The following DYRK4 variants were observed in gnomAD, a reference collection of about 807,000 sequenced individuals.
DYRK4 encodes dual specificity tyrosine-phosphorylation-regulated kinase 4.
A neutral mutation model predicts 68.3 loss-of-function variants in DYRK4; 64 were observed. The observed-to-expected ratio is 0.94, with a 90% CI of 0.77 to 1.15. DYRK4 has a LOEUF of 1.15. Among genes scored for constraint, DYRK4 ranks in the 50% most tolerant of loss-of-function variants. The pLI is 0.00. For synonymous variants in DYRK4, 274 were observed against 289.9 expected, an observed-to-expected ratio of 0.95 and a Z score of 0.56; for missense variants, 740 against 764.7, an observed-to-expected ratio of 0.97 and a Z score of 0.38.
At position 4,591,108 on chromosome 12, in the gene DYRK4, C is replaced by G; in HGVS notation, c.325-52C>G. The G allele has an allele frequency of 6.3e-7, 1 of 1,594,884 alleles. No homozygotes were observed. Among genetic ancestry groups the G allele is most frequent in the Non-Finnish European group, 8.5e-7 (1 of 1,170,186 alleles). On this transcript the variant is annotated intron_variant, in intron 4 of 14. Coordinates refer to ENST00000543431, the MANE Select transcript of DYRK4 (RefSeq NM_001394779.1). This position sits in a 1 kb window ranked among gnomAD's most constrained non-coding sequence, Gnocchi z 4.1. Reference sequence around the variant, plus strand: ...TTTGGTTAAATAAATGGTTTATGGCCCCCAGGAGAGTCCTAAGTAGTTATT... The same window carrying G: ...TTTGGTTAAATAAATGGTTTATGGCGCCCAGGAGAGTCCTAAGTAGTTATT...
intron 1 of DYRK4, among the ~76,000 whole-genome samples, chr12:4,567,112 T>G (rs1944684879): frequency 6.6e-6 from 1 of 152,244 alleles, no homozygotes; most frequent in Admixed American, 6.5e-5. Flanking sequence ...TTTCAATAGT[T>G]ATACTGCAAG....
At chr12:4,584,236 G>T (rs563500645) in intron 2 of DYRK4, among the ~76,000 whole-genome samples, 10 of 152,196 alleles carry the variant, frequency 6.6e-5, no homozygotes, top group Non-Finnish European at 1.5e-4. Flanking sequence ...TGCTAGGGAG[G>T]CTGGACTGTG....
chr12:4,564,979 AAG>A (rs1293119901), intron 1 of DYRK4, among the ~76,000 whole-genome samples: 5 of 152,212 alleles, frequency 3.3e-5, no homozygotes, highest in Admixed American at 2.0e-4. Flanking sequence ...CGCTCGAGGA[AAG>A]AGAGGAAGGG....
chr12:4,583,212 G>A (rs1010123731), intron 2 of DYRK4, among the ~76,000 whole-genome samples: 1 of 152,094 alleles, frequency 6.6e-6, no homozygotes, highest in African/African-American at 2.4e-5. Flanking sequence ...CCACCTCCCA[G>A]GTTCAAGCAA....
chr12:4,588,160 A>G (rs1360858171), intron 2 of DYRK4, among the ~76,000 whole-genome samples: 2 of 152,194 alleles, frequency 1.3e-5, no homozygotes, highest in Non-Finnish European at 2.9e-5. Flanking sequence ...CTTGGCCTCA[A>G]GTGATCGTCC....
At chr12:4,602,139 T>C (rs1396611675) in intron 10 of DYRK4, 1 of 615,696 alleles carries the variant, frequency 1.6e-6, no homozygotes, top group Non-Finnish European at 3.0e-6. Context: ...CTTTTGTAAT[T>C]AAGTTCAGCT....
At chr12:4,594,965 AAATG>A (rs1325694630) in intron 6 of DYRK4, among the ~76,000 whole-genome samples, 3 of 152,270 alleles carry the variant, frequency 2.0e-5, no homozygotes, top group Non-Finnish European at 4.4e-5. Context: ...AAGCTATCAT[AAATG>A]AATACAAAAT....
intron 2 of DYRK4, among the ~76,000 whole-genome samples, chr12:4,588,567 A>G (rs142643061): frequency 5.7e-4 from 87 of 152,300 alleles, no homozygotes; most frequent in African/African-American, 2.0e-3. Context: ...GGGCGAAAAG[A>G]CTTCCAGGCA....
rs1428204249 is a variant in DYRK4, at chr12:4,599,123, A to G, written c.1001A>G (p.Gln334Arg). ...RFTLSVLKCLQMLSVEKIIHC... is the reference protein window; with the variant it reads ...RFTLSVLKCLRMLSVEKIIHC... Reference sequence around the variant, plus strand: ...ACTCTCTCTGTTTTGAAGTGCTTGCAGATGCTTTCGGTAGAGAAAATCATT... The same window carrying G: ...ACTCTCTCTGTTTTGAAGTGCTTGCGGATGCTTTCGGTAGAGAAAATCATT... The change falls in exon 9 of 15, where the codon CAG becomes CGG. Residue 334 changes from glutamine to arginine, a missense_variant. By Grantham distance (43) the Gln-to-Arg change is conservative (BLOSUM62 1). Transcript: ENST00000543431. 1.9e-6 allele frequency: 3 copies of G among 1,614,044 alleles called. No homozygotes were observed. Among genetic ancestry groups the G allele is most frequent in the Non-Finnish European group, 2.5e-6 (3 of 1,180,040 alleles).
rs1565545232 is a variant in DYRK4 at position 4,613,590 on chromosome 12, A to G, written c.1742A>G (p.Gln581Arg). The change falls in exon 15 of 15, where the codon CAG (glutamine) becomes CGG (arginine). Residue 581 changes from glutamine (Q) to arginine (R), a missense_variant. Gln to Arg is a conservative substitution (Grantham distance 43, BLOSUM62 1). Transcript: ENST00000543431. This position sits in a 1 kb window ranked among gnomAD's most constrained non-coding sequence, Gnocchi z 4.0. ...CATGTTCAGCATTCAGGTGATCAGC[A>G]GGACTGTCTCCAGCACGGAGCTGAC... ...TKHVQHSGDQ[Q>R]DCLQHGADTV... 6.2e-7 allele frequency: 1 copy of G among 1,614,186 alleles called. No individual in the cohort carries two copies. Among genetic ancestry groups the G allele is most frequent in the South Asian group, 1.1e-5 (1 of 91,080 alleles).
intron 2 of DYRK4, among the ~76,000 whole-genome samples, chr12:4,586,376 C>G (rs762317576): frequency 5.2e-4 from 79 of 152,144 alleles, no homozygotes; most frequent in Non-Finnish European, 7.2e-4. Context: ...CTCAGGACTA[C>G]TAAGGAGATT....
In DYRK4 at chr12:4,591,928, C is replaced by T. The variant is rs976449044; in HGVS notation, c.463+630C>T. On this transcript the variant is annotated intron_variant, in intron 5 of 14. Coordinates refer to ENST00000543431, the MANE Select transcript of DYRK4 (RefSeq NM_001394779.1). This position sits in a 1 kb window ranked among gnomAD's most constrained non-coding sequence, Gnocchi z 4.1. The stretch of plus-strand genomic sequence containing the variant: ...CTTTGTGGATTGCCTTGTGGTCAGG[C>T]CTGAAAGATTACACATGGGTTTTTG... The T allele has an allele frequency of 6.6e-6, 1 of 152,184 alleles. No individual in the cohort carries two copies. Among genetic ancestry groups the T allele is most frequent in the Non-Finnish European group, 1.5e-5 (1 of 68,100 alleles). The allele number at this position is 152,184 out of a possible 1,614,324, so 9.4% of individuals were successfully genotyped here. A position where few individuals can be genotyped will look rare whatever the true frequency, so the allele number is the denominator to read the frequency against.
At position 4,610,197 on chromosome 12, in the gene DYRK4, A is replaced by C; in HGVS notation, c.1403A>C (p.Lys468Thr). ...AAAAATATAACCAACAACAGGGGGA[A>C]AAAAAGATACCCAGATTCCAAGGAC... is the stretch of plus-strand genomic sequence containing the variant. Reference protein sequence around the residue: ...FPKNITNNRGKKRYPDSKDLT... With the variant: ...FPKNITNNRGTKRYPDSKDLT... The change falls in exon 13 of 15, where the codon AAA becomes ACA. Residue 468 changes from lysine to threonine, a missense_variant. This residue lies in a region of DYRK4 where 614 missense variants were observed against 603.7 expected (regional missense o/e 1.02). Coordinates refer to ENST00000543431, the MANE Select transcript of DYRK4 (RefSeq NM_001394779.1). 4.4e-6 allele frequency: 7 copies of C among 1,603,500 alleles called. No individual in the cohort carries two copies. The highest frequency in any genetic ancestry group is 6.0e-6 in the Non-Finnish European group (7 of 1,176,060).
At position 4,599,726 on chromosome 12, in the gene DYRK4, A is replaced by T. The variant is rs777004256; in HGVS notation, c.1064A>T (p.Gln355Leu). ...DLKPENIVLY[Q>L]KGQASVKVID... Reference sequence around the variant, plus strand: ...CTCTAGGAAAATATAGTGCTATACCAAAAGGGCCAAGCCTCTGTTAAAGTC... The same window carrying T: ...CTCTAGGAAAATATAGTGCTATACCTAAAGGGCCAAGCCTCTGTTAAAGTC... Residue 355 changes from glutamine (Q) to leucine (L), a missense_variant, in exon 10 of 15, where the codon CAA (glutamine) becomes CTA (leucine). By Grantham distance (113) the Gln-to-Leu change is moderately radical. This residue lies in a region of DYRK4 where 614 missense variants were observed against 603.7 expected (regional missense o/e 1.02). Coordinates refer to ENST00000543431, the MANE Select transcript of DYRK4 (RefSeq NM_001394779.1). 4 of 1,613,864 alleles carry T rather than the reference A, an allele frequency of 2.5e-6. No individual in the cohort carries two copies. The Admixed American group carries it at 6.7e-5, about 27-fold the overall frequency.
At chr12:4,595,266 C>A (rs1025998029) in intron 6 of DYRK4, among the ~76,000 whole-genome samples, 18 of 152,298 alleles carry the variant, frequency 1.2e-4, no homozygotes, top group African/African-American at 4.1e-4. Flanking sequence ...CATTCTCAAA[C>A]ACATCCTCAG....
Position 4,612,701 on chromosome 12 carries a change from A to G in DYRK4, c.1649A>G (p.His550Arg). The change falls in exon 14 of 15, where the codon CAT becomes CGT. Residue 550 changes from histidine (H) to arginine (R), a missense_variant. Transcript: ENST00000543431. The stretch of plus-strand genomic sequence containing the variant: ...AGGAAGGACAAGGTTCAAGGCTGTC[A>G]TCACTCGAGCAGAAAAGGTACAGCC... ...ETRKDKVQGC[H>R]HSSRKDEITK... The G allele has an allele frequency of 6.2e-7, 1 of 1,614,212 alleles. No homozygotes were observed. The highest frequency in any genetic ancestry group is 1.3e-5 in the African/African-American group (1 of 75,048).
rs758446003 is a variant in DYRK4, at chr12:4,599,667, G to A, written c.1045-40G>A. 51 of 1,521,560 alleles carry A rather than the reference G, an allele frequency of 3.4e-5. No homozygotes were observed. In the South Asian group the frequency reaches 3.4e-4, roughly 10 times the overall value. The allele number at this position is 1,521,560 out of a possible 1,614,324, so 94.3% of individuals were successfully genotyped here. A position where few individuals can be genotyped will look rare whatever the true frequency, so the allele number is the denominator to read the frequency against. On this transcript the variant is annotated intron_variant, in intron 9 of 14. Transcript: ENST00000543431. ...TTAGGTAAGTAGAGGGCCTAGGGCC[G>A]CATTACTGTAGCTTGACATATGTCT... is the stretch of plus-strand genomic sequence containing the variant.
At chr12:4,595,234 G>C (rs1945003766) in intron 6 of DYRK4, among the ~76,000 whole-genome samples, 2 of 152,168 alleles carry the variant, frequency 1.3e-5, no homozygotes, top group South Asian at 4.1e-4. Context: ...GATTCCTCCT[G>C]TATGAACAGA....
chr12:4,573,375 G>C lies in DYRK4; in HGVS notation c.132+5327G>C, dbSNP rs11835726. On this transcript the variant is annotated intron_variant, in intron 2 of 14. Coordinates refer to ENST00000543431, the MANE Select transcript of DYRK4 (RefSeq NM_001394779.1). ...CTACATGGTAAGTACCAGTTCCTTT[G>C]TTCTGCGTGTTCATTGGTGCTTTAA... The C allele has an allele frequency of 5.6e-3, 7,215 of 1,289,320 alleles. 324 individuals are homozygous for C. The African/African-American group carries it at 0.098, about 17-fold the overall frequency. The allele number at this position is 1,289,320 out of a possible 1,614,324, so 79.9% of individuals were successfully genotyped here.
Sources: allele counts gnomAD v4.1 joint callset (sites outside exome capture counted in the v4.1 genomes callset), GRCh38; gene constraint gnomAD v4.1.1; regional missense constraint gnomAD v4.1.1; non-coding constraint Gnocchi (gnomAD v3.1); transcripts MANE v1.5; gene names NCBI Gene and HGNC (gene_info 2026-07-23, HGNC 2026-07-21).